Variants in RADIL observed in about 807,000 individuals in gnomAD.
RADIL encodes the protein ras-associating and dilute domain-containing protein.
A neutral mutation model predicts 97.6 loss-of-function variants in RADIL; 99 were observed. That is an observed-to-expected ratio of 1.01 (90% CI 0.86 to 1.20). RADIL has a LOEUF of 1.20. Ranked by LOEUF, RADIL falls within the 50% of genes most tolerant of loss-of-function variation. The pLI, the probability that RADIL is intolerant of heterozygous loss-of-function variation, is 0.00. For missense variants in RADIL, 1,765 were observed against 1,498.9 expected, an observed-to-expected ratio of 1.18 and a Z score of -2.93; for synonymous variants, 803 against 691.8, an observed-to-expected ratio of 1.16 and a Z score of -2.52.
chr7:4,875,567 C>A (rs1002434598), intron 2 of RADIL, among the ~76,000 whole-genome samples: 1 of 152,192 alleles, frequency 6.6e-6, no homozygotes, highest in Non-Finnish European at 1.5e-5. Context: ...ACAGGCCAGG[C>A]TGATCCCCAG....
At chr7:4,844,617 T>C (rs1053169498) in intron 2 of RADIL, among the ~76,000 whole-genome samples, 2 of 152,124 alleles carry the variant, frequency 1.3e-5, no homozygotes, top group African/African-American at 4.8e-5. Flanking sequence ...TTTTGTTTTG[T>C]TTTTGAGAGA....
chr7:4,836,188 C>G lies in RADIL; in HGVS notation c.783+170G>C, dbSNP rs1244805255. Reference sequence around the variant, plus strand: ...CTGGACAGGGAAAATGTGGATGACTCCACATGTGCCCCCGCCATCCCACTC... The same window carrying G: ...CTGGACAGGGAAAATGTGGATGACTGCACATGTGCCCCCGCCATCCCACTC... On this transcript the variant is annotated intron_variant, in intron 3 of 14. Transcript: ENST00000399583. Among the ~76,000 whole-genome samples the G allele has an allele frequency of 3.9e-5, 6 of 152,362 alleles. No individual in the cohort carries two copies. The East Asian group carries it at 1.2e-3, about 29-fold the overall frequency.
In RADIL at chr7:4,840,102, C is replaced by T. The variant is rs201247387; in HGVS notation, c.536-3497G>A. 6.6e-6 allele frequency among the ~76,000 whole-genome samples: 1 copy of T among 152,200 alleles called. No individual in the cohort carries two copies. Among genetic ancestry groups the T allele is most frequent in the African/African-American group, 2.4e-5 (1 of 41,464 alleles). On this transcript the variant is annotated intron_variant, in intron 2 of 14. Transcript: ENST00000399583. This position sits in a 1 kb window ranked among gnomAD's most constrained non-coding sequence, Gnocchi z 5.6. ...AGAAGTTTGAAAGGCCTCTTGCTCACGTGTGGCTTTGTGACTTGGCCCTGT... is the reference window on the plus strand; with the variant it reads ...AGAAGTTTGAAAGGCCTCTTGCTCATGTGTGGCTTTGTGACTTGGCCCTGT...
chr7:4,801,499 C>T (rs751700133), intron 12 of RADIL, among the ~76,000 whole-genome samples, 154 bp downstream of exon 12: 2 of 152,220 alleles, frequency 1.3e-5, no homozygotes, highest in Non-Finnish European at 1.5e-5. Flanking sequence ...CAGCCCTGAG[C>T]CCTCTCCATC....
At chr7:4,802,284 G>A (rs1257821497) in intron 11 of RADIL, among the ~76,000 whole-genome samples, 3 of 146,732 alleles carry the variant, frequency 2.0e-5, no homozygotes, top group South Asian at 2.2e-4. Context: ...CTCGGGGCAC[G>A]CTGGCTGGGG....
rs531297364 is a variant in RADIL, at chr7:4,816,456, T to C, written c.1738A>G (p.Ile580Val). 6.2e-7 allele frequency: 1 copy of C among 1,606,886 alleles called. No homozygotes were observed. The highest frequency in any genetic ancestry group is 1.3e-5 in the African/African-American group (1 of 74,792). The change falls in exon 8 of 15, where the codon ATC becomes GTC. Residue 580 changes from isoleucine (I) to valine (V), a missense_variant. Coordinates refer to ENST00000399583, the MANE Select transcript of RADIL (RefSeq NM_018059.5). ...CVYYVSKSLYICLPALLECPP... is the reference protein window; with the variant it reads ...CVYYVSKSLYVCLPALLECPP... ...CACTCCAGGAGTGCCGGGAGGCAGA[T>C]GTACAGGGACTGGCGGGGGCAAGAG... is the stretch of plus-strand genomic sequence containing the variant.
intron 10 of RADIL, chr7:4,805,358 A>C (rs1782268037): frequency 1.9e-6 from 1 of 514,102 alleles, no homozygotes. Flanking sequence ...CGGCTCCTTG[A>C]CTCCCCCGCC....
chr7:4,826,992 A>C (rs1162678335), intron 5 of RADIL, among the ~76,000 whole-genome samples: 1 of 152,170 alleles, frequency 6.6e-6, no homozygotes, highest in Non-Finnish European at 1.5e-5. Context: ...GCATGGAAAA[A>C]TCTGATGAGG....
chr7:4,872,789 G>C lies in RADIL; in HGVS notation c.535+4816C>G, dbSNP rs942189577. ...GGGGTAGCAGTGAACTAAGTGATGA[G>C]TGAACCGGCAGGAAGCGCCTGGCTG... On this transcript the variant is annotated intron_variant, in intron 2 of 14. Transcript: ENST00000399583. The surrounding 1 kb of genome is among the most constrained non-coding windows in gnomAD (Gnocchi z 5.8). Among the ~76,000 whole-genome samples, 1 of 152,202 alleles carries C rather than the reference G, an allele frequency of 6.6e-6. No individual in the cohort carries two copies. Among genetic ancestry groups the C allele is most frequent in the African/African-American group, 2.4e-5 (1 of 41,446 alleles).
chr7:4,801,575 C>T (rs992738910), intron 12 of RADIL, 78 bp downstream of exon 12: 51 of 1,450,248 alleles, frequency 3.5e-5, no homozygotes, highest in East Asian at 2.7e-4. Context: ...AAGGGGGGAA[C>T]GATCCCAGGG....
chr7:4,805,784 C>A, intron 9 of RADIL, 68 bp from the exon 10 acceptor site: 3 of 1,538,956 alleles, frequency 1.9e-6, no homozygotes, highest in African/African-American at 1.4e-5. Flanking sequence ...AGAGGGATGG[C>A]CTCCACAGGT....
chr7:4,799,368 C>G lies in RADIL; in HGVS notation c.*10G>C. ...GGTGCCGGGCCTGTGGGGGTGTCCT[C>G]GCAGCCCCCCTAGAGAGGGGGCGTG... On this transcript the variant is annotated 3_prime_UTR_variant, in exon 15 of 15. Coordinates refer to ENST00000399583, the MANE Select transcript of RADIL (RefSeq NM_018059.5). 1 of 1,612,746 alleles carries G rather than the reference C, an allele frequency of 6.2e-7. No individual in the cohort carries two copies. Among genetic ancestry groups the G allele is most frequent in the Non-Finnish European group, 8.5e-7 (1 of 1,179,346 alleles).
At chr7:4,838,712 G>T (rs868826721) in intron 2 of RADIL, among the ~76,000 whole-genome samples, 6 of 152,236 alleles carry the variant, frequency 3.9e-5, no homozygotes, top group Admixed American at 1.3e-4. Flanking sequence ...ACGAGGGGCC[G>T]GAGGTGAGGC....
intron 5 of RADIL, among the ~76,000 whole-genome samples, chr7:4,829,482 A>T (rs1380973369): frequency 6.6e-6 from 1 of 152,172 alleles, no homozygotes; most frequent in Non-Finnish European, 1.5e-5. Flanking sequence ...TACCTTTGAA[A>T]GAAGGATGGA....
At chr7:4,846,437 G>A (rs944868542) in intron 2 of RADIL, among the ~76,000 whole-genome samples, 18 of 152,048 alleles carry the variant, frequency 1.2e-4, no homozygotes, top group African/African-American at 3.1e-4. Context: ...GAGCCACCGC[G>A]CCCGGCCCTA....
At chr7:4,803,828 G>T in intron 10 of RADIL, 74 bp from the exon 11 acceptor site, 1 of 1,369,646 alleles carries the variant, frequency 7.3e-7, no homozygotes, top group Non-Finnish European at 1.0e-6. Context: ...CCGCCCAACG[G>T]TGTGGGAACC....
At chr7:4,823,937 G>A (rs1420694645) in intron 5 of RADIL, among the ~76,000 whole-genome samples, 1 of 152,254 alleles carries the variant, frequency 6.6e-6, no homozygotes, top group Non-Finnish European at 1.5e-5. Context: ...TGGACAAGAT[G>A]CCTGGGACGC....
Position 4,877,538 on chromosome 7 carries a change from G to A in RADIL, c.535+67C>T, listed in dbSNP as rs576498973. On this transcript the variant is annotated intron_variant, in intron 2 of 14. Transcript: ENST00000399583. ...ATGTCCCCTGCACCACTCCTTCTCC[G>A]CCTACCTCGGCTGGCCTTCTCAGCG... is the stretch of plus-strand genomic sequence containing the variant. The A allele has an allele frequency of 8.3e-5, 126 of 1,511,702 alleles. No homozygotes were observed. The South Asian group carries it at 1.5e-3, about 18-fold the overall frequency. The allele number at this position is 1,511,702 out of a possible 1,614,324, so 93.6% of individuals were successfully genotyped here.
rs765658413 is a variant in RADIL at position 4,799,619 on chromosome 7, G to A, written c.3122+11C>T. 4.8e-5 allele frequency: 77 copies of A among 1,605,570 alleles called. No individual in the cohort carries two copies. In the Middle Eastern group the frequency reaches 5.0e-4, roughly 10 times the overall value. ...GGGAGAAGGGGCCGGGCGTGCATGCGGTGGGGGTACCTCAGGTAGCCAAGG... is the reference window on the plus strand; with the variant it reads ...GGGAGAAGGGGCCGGGCGTGCATGCAGTGGGGGTACCTCAGGTAGCCAAGG... On this transcript the variant is annotated intron_variant, in intron 14 of 14. Transcript: ENST00000399583.
Sources: gnomAD v4.1 joint callset for allele counts (sites outside exome capture counted in the v4.1 genomes callset) on GRCh38, gnomAD v4.1.1 for gene constraint, Gnocchi (gnomAD v3.1) non-coding constraint, MANE v1.5 for transcripts, NCBI Gene and HGNC (gene_info 2026-07-23, HGNC 2026-07-21) for gene names.